The following CDH23 variants were observed in gnomAD, a reference collection of about 807,000 sequenced individuals.
The protein encoded by CDH23 is cadherin related 23.
In CDH23, 189 loss-of-function variants were observed where a neutral mutation model predicts 317.1. That is an observed-to-expected ratio of 0.60 (90% CI 0.53 to 0.67). The LOEUF (loss-of-function observed/expected upper bound fraction) is 0.67, where lower values mean the gene tolerates loss of function less well. Among genes scored for constraint, CDH23 ranks in the 30% least tolerant of loss-of-function variants. The probability of loss-of-function intolerance (pLI) is 0.00; values close to 1 mark genes in which losing one functional copy is unlikely to be tolerated. For missense variants in CDH23, 4,401 were observed against 4,592.4 expected (o/e 0.96, Z 1.20); for synonymous variants, 1,839 against 1,876.8 (o/e 0.98, Z 0.52).
chr10:71,478,378 C>G (rs568250973), intron 3 of CDH23, among the ~76,000 whole-genome samples: 15 of 152,320 alleles, frequency 9.8e-5, no homozygotes, highest in Non-Finnish European at 1.5e-4. Flanking sequence ...ACCTGCAGTT[C>G]CCTCTGCCTA....
chr10:71,416,609 T>A, intron 1 of CDH23, among the ~76,000 whole-genome samples: 1 of 152,220 alleles, frequency 6.6e-6, no homozygotes, highest in East Asian at 1.9e-4. Flanking sequence ...CCTTTTGGTG[T>A]GGATCTGCTA....
chr10:71,796,214 G>A (rs1231579459), intron 48 of CDH23: 3 of 516,814 alleles, frequency 5.8e-6, no homozygotes, highest in Non-Finnish European at 7.5e-6. Flanking sequence ...TGAAGCCAAT[G>A]GGAGGAGAAG....
At chr10:71,481,486 G>A (rs575469460) in intron 3 of CDH23, among the ~76,000 whole-genome samples, 6 of 152,282 alleles carry the variant, frequency 3.9e-5, no homozygotes, top group East Asian at 1.9e-4. Flanking sequence ...TCTAAATGGC[G>A]CCTCTTCTCA....
chr10:71,621,809 A>G (rs755361560), intron 11 of CDH23, among the ~76,000 whole-genome samples: 2 of 152,158 alleles, frequency 1.3e-5, no homozygotes, highest in Non-Finnish European at 2.9e-5. Context: ...ATTCACAACA[A>G]CAAAGGTGCT....
chr10:71,461,077 T>G (rs1850956985), intron 3 of CDH23, among the ~76,000 whole-genome samples: 1 of 152,234 alleles, frequency 6.6e-6, no homozygotes, highest in Admixed American at 6.5e-5. Context: ...CGTGGGGACC[T>G]GGAAGTTCAG....
intron 6 of CDH23, among the ~76,000 whole-genome samples, chr10:71,518,743 A>T (rs1243207122): frequency 1.3e-5 from 2 of 152,174 alleles, no homozygotes; most frequent in African/African-American, 4.8e-5. Context: ...GGAAGATTCA[A>T]CATTTTCTGC....
chr10:71,566,983 A>G (rs777505990), intron 7 of CDH23, 47 bp downstream of exon 7: 6 of 1,558,948 alleles, frequency 3.8e-6, no homozygotes, highest in Non-Finnish European at 8.8e-7. Flanking sequence ...GCCTCTTCCC[A>G]CCCTGGAAGA....
intron 1 of CDH23, among the ~76,000 whole-genome samples, chr10:71,415,277 G>A (rs1237545666): frequency 1.3e-5 from 2 of 152,042 alleles, no homozygotes; most frequent in East Asian, 3.9e-4. Flanking sequence ...TAAATTACTT[G>A]TAGAGATGAG....
At chr10:71,611,231 AGCGAGGCAG>A (rs1334153215) in intron 9 of CDH23, among the ~76,000 whole-genome samples, 1 of 152,164 alleles carries the variant, frequency 6.6e-6, no homozygotes, top group African/African-American at 2.4e-5. Flanking sequence ...AAGTGAAGGG[AGCGAGGCAG>A]GGATGTGGAG....
In CDH23 at chr10:71,725,412, G is replaced by C. The variant is rs1166679728; in HGVS notation, c.3471G>C (p.Gly1157=). 2.5e-5 allele frequency: 41 copies of C among 1,613,922 alleles called. No homozygotes were observed. The highest frequency in any genetic ancestry group is 3.4e-5 in the Non-Finnish European group (40 of 1,179,902). The change falls in exon 30 of 70, where the codon GGG becomes GGC. Residue 1157 remains glycine, a synonymous_variant. Transcript: ENST00000224721. ...GNNFRIHVSN[G]LLMRGPRPLD... ...ACTTCCGGATCCATGTCAGCAATGG[G>C]CTCCTGATGCGAGGGCCCCGGCCCC...
At chr10:71,814,071 CAGG>C (rs900135428) in intron 69 of CDH23, among the ~76,000 whole-genome samples, 15 of 152,214 alleles carry the variant, frequency 9.9e-5, no homozygotes, top group Non-Finnish European at 2.2e-4. Context: ...TAGCCTCATA[CAGG>C]AGGACAACAG....
intron 38 of CDH23, among the ~76,000 whole-genome samples, chr10:71,774,051 G>A (rs10999993): frequency 0.25 from 21,851 of 88,098 alleles, 2,773 homozygotes; most frequent in African/African-American, 0.5. Context: ...ATGCGCGCGC[G>A]CACACACACA....
intron 3 of CDH23, among the ~76,000 whole-genome samples, chr10:71,473,935 C>T (rs1851651590): frequency 6.6e-6 from 1 of 152,228 alleles, no homozygotes; most frequent in South Asian, 2.1e-4. Flanking sequence ...ATGATAATGC[C>T]TCTGCCTTGG....
At chr10:71,590,488 C>T (rs56897967) in intron 9 of CDH23, among the ~76,000 whole-genome samples, 18 of 152,232 alleles carry the variant, frequency 1.2e-4, no homozygotes, top group Admixed American at 5.2e-4. Context: ...TGTAGGATCA[C>T]GTCATTGAAG....
chr10:71,607,315 T>C (rs1185698044), intron 9 of CDH23, among the ~76,000 whole-genome samples: 2 of 152,246 alleles, frequency 1.3e-5, no homozygotes, highest in African/African-American at 4.8e-5. Context: ...ATGAACTCTT[T>C]AGCTTCCTGG....
intron 14 of CDH23, 23 bp from the exon 15 acceptor site, chr10:71,675,089 A>G (rs1390160350): frequency 2.5e-6 from 4 of 1,611,750 alleles, no homozygotes; most frequent in South Asian, 1.1e-5. Flanking sequence ...GGCAGTAATG[A>G]CTTCTTGTTC....
intron 28 of CDH23, chr10:71,713,370 G>T (rs1866069403): frequency 1.3e-6 from 1 of 742,670 alleles, no homozygotes; most frequent in Non-Finnish European, 2.5e-6. Flanking sequence ...CAGTTGCTGG[G>T]TGGGGAGGGA....
At chr10:71,509,400 C>G (rs981702913) in intron 3 of CDH23, among the ~76,000 whole-genome samples, 2 of 152,220 alleles carry the variant, frequency 1.3e-5, no homozygotes, top group Admixed American at 6.5e-5. Context: ...GAGGATGGAG[C>G]TAATGTCAGC....
chr10:71,791,062 G>C (rs1030819043), intron 46 of CDH23, 70 bp from the exon 47 acceptor site: 1 of 1,227,988 alleles, frequency 8.1e-7, no homozygotes, highest in Non-Finnish European at 1.2e-6. Flanking sequence ...TCTCCCTGTT[G>C]GTTCTTGCCC....
Sources: gnomAD v4.1 joint callset for allele counts (sites outside exome capture counted in the v4.1 genomes callset) on GRCh38, gnomAD v4.1.1 for gene constraint, MANE v1.5 for transcripts, NCBI Gene and HGNC (gene_info 2026-07-23, HGNC 2026-07-21) for gene names.